AGPAT3: variants seen among roughly 807,000 people sequenced by gnomAD.
AGPAT3 encodes 1-acyl-sn-glycerol-3-phosphate acyltransferase gamma.
Under a neutral mutation model 47.3 loss-of-function variants are expected in AGPAT3, and 5 were observed. The observed-to-expected ratio is 0.11, with a 90% confidence interval of 0.06 to 0.22. The LOEUF (loss-of-function observed/expected upper bound fraction) is 0.22. AGPAT3 is among the 10% of genes least tolerant of loss of function. The probability of loss-of-function intolerance (pLI) is 1.00; values close to 1 mark genes in which losing one functional copy is unlikely to be tolerated. For missense variants in AGPAT3, 315 were observed against 493.0 expected (o/e 0.64, Z 3.42); for synonymous variants, 212 against 208.3 (o/e 1.02, Z -0.15).
chr21:43,914,806 C>T (rs1032954325), intron 2 of AGPAT3, among the ~76,000 whole-genome samples: 1 of 152,276 alleles, frequency 6.6e-6, no homozygotes, highest in East Asian at 1.9e-4. Flanking sequence ...CCTCCCAAAG[C>T]ACTGTTATCA....
chr21:43,974,235 AATT>A, intron 7 of AGPAT3, among the ~76,000 whole-genome samples: 1 of 152,150 alleles, frequency 6.6e-6, no homozygotes, highest in Admixed American at 6.5e-5. Context: ...TGTGTGTATA[AATT>A]ATATGTGTGT....
At chr21:43,923,372 A>C (rs201250960) in intron 2 of AGPAT3, among the ~76,000 whole-genome samples, 3 of 152,236 alleles carry the variant, frequency 2.0e-5, no homozygotes, top group East Asian at 3.8e-4. Flanking sequence ...TGAAAAGGAA[A>C]GAAAGATTTT....
Position 43,987,204 on chromosome 21 carries a change from G to A in AGPAT3, c.*4812G>A, listed in dbSNP as rs1322304758. 6.6e-6 allele frequency among the ~76,000 whole-genome samples: 1 copy of A among 152,198 alleles called. No individual in the cohort carries two copies. The highest frequency in any genetic ancestry group is 1.5e-5 in the Non-Finnish European group (1 of 68,040). ...TAGATGTCTCCAAGGGGAAACCAGG[G>A]CCACCAGGCACTCCTGTCCCATGGG... On this transcript the variant is annotated 3_prime_UTR_variant, in exon 10 of 10. Transcript: ENST00000291572.
chr21:43,964,472 A>C lies in AGPAT3; in HGVS notation c.179-3474A>C, dbSNP rs375791515. Among the ~76,000 whole-genome samples the C allele has an allele frequency of 5.9e-5, 9 of 152,214 alleles. No homozygotes were observed. In the East Asian group the frequency reaches 9.8e-4, roughly 16 times the overall value. ...CGGCCTCCCAAAGTGCTGGGATTAC[A>C]GGCGGGAGCGCCCAGCCCAGGTTCA... On this transcript the variant is annotated intron_variant, in intron 3 of 9. Transcript: ENST00000291572.
chr21:43,958,680 GGT>G (rs994078334), intron 2 of AGPAT3, among the ~76,000 whole-genome samples: 20 of 150,892 alleles, frequency 1.3e-4, no homozygotes, highest in African/African-American at 2.7e-4. Flanking sequence ...TATGGTTTGT[GGT>G]GTGTGGTGTG....
At chr21:43,969,865 T>C (rs1167387809) in intron 5 of AGPAT3, among the ~76,000 whole-genome samples, 1 of 151,920 alleles carries the variant, frequency 6.6e-6, no homozygotes, top group Non-Finnish European at 1.5e-5. Context: ...ACCTGGCTAA[T>C]TTTTTGTATT....
intron 7 of AGPAT3, among the ~76,000 whole-genome samples, chr21:43,972,615 CCA>C (rs1179670737): frequency 6.6e-6 from 1 of 152,172 alleles, no homozygotes; most frequent in Non-Finnish European, 1.5e-5. Context: ...GTCTCTTTCC[CCA>C]CACAGTCAGG....
At chr21:43,910,571 G>T (rs1174223098) in intron 2 of AGPAT3, among the ~76,000 whole-genome samples, 1 of 152,212 alleles carries the variant, frequency 6.6e-6, no homozygotes, top group East Asian at 1.9e-4. Flanking sequence ...GAGGGCCGAG[G>T]AGGGCCGGCC....
rs2146186736 is a variant in AGPAT3, at chr21:43,920,363, G to A, written c.-49+16344G>A. Among the ~76,000 whole-genome samples the A allele has an allele frequency of 6.6e-6, 1 of 152,302 alleles. No individual in the cohort carries two copies. The highest frequency in any genetic ancestry group is 2.1e-4 in the South Asian group (1 of 4,830). On this transcript the variant is annotated intron_variant, in intron 2 of 9. Coordinates refer to ENST00000291572, the MANE Select transcript of AGPAT3 (RefSeq NM_020132.5). The surrounding 1 kb of genome is among the most constrained non-coding windows in gnomAD (Gnocchi z 6.1). The stretch of plus-strand genomic sequence containing the variant: ...GAGAGGAGACAGCGCAGCTGGGCAG[G>A]TGATGCTTGGTGAGTGTGATAGTGT...
At chr21:43,917,199 G>A (rs1033207485) in intron 2 of AGPAT3, among the ~76,000 whole-genome samples, 2 of 125,988 alleles carry the variant, frequency 1.6e-5, no homozygotes, top group Non-Finnish European at 3.2e-5. Flanking sequence ...ACGTACCGCT[G>A]TCAGCCTTCT....
intron 1 of AGPAT3, among the ~76,000 whole-genome samples, chr21:43,877,335 A>T (rs1422014838): frequency 6.6e-6 from 1 of 152,268 alleles, no homozygotes; most frequent in South Asian, 2.1e-4. Context: ...TAGCTGAAGA[A>T]CTGCTGTACA....
At chr21:43,923,923 C>T (rs1401370711) in intron 2 of AGPAT3, among the ~76,000 whole-genome samples, 1 of 152,112 alleles carries the variant, frequency 6.6e-6, no homozygotes, top group Non-Finnish European at 1.5e-5. Context: ...GGAGTGCTGT[C>T]GAGGGCCCCG....
At chr21:43,979,433 T>C (rs998509811) in intron 8 of AGPAT3, among the ~76,000 whole-genome samples, 2 of 151,976 alleles carry the variant, frequency 1.3e-5, no homozygotes, top group African/African-American at 2.4e-5. Flanking sequence ...ACCTGGTGCT[T>C]TCTGCCTGCC....
chr21:43,972,584 CG>C (rs2089442078), intron 7 of AGPAT3, among the ~76,000 whole-genome samples: 1 of 152,146 alleles, frequency 6.6e-6, no homozygotes, highest in African/African-American at 2.4e-5. Flanking sequence ...AGGGTACCAG[CG>C]GCTTTCCTTG....
intron 7 of AGPAT3, among the ~76,000 whole-genome samples, chr21:43,975,911 A>G (rs1209154263): frequency 6.6e-6 from 1 of 151,394 alleles, no homozygotes; most frequent in Non-Finnish European, 1.5e-5. Context: ...AAGAGGCAGC[A>G]TTGAGCACCC....
intron 2 of AGPAT3, 93 bp downstream of exon 2, chr21:43,904,112 A>C (rs1332485275): frequency 1.3e-5 from 2 of 151,500 alleles, no homozygotes; most frequent in African/African-American, 4.9e-5. Context: ...GTATGTGTCC[A>C]GTGTTGGGGT....
At chr21:43,919,077 T>C (rs1284619137) in intron 2 of AGPAT3, among the ~76,000 whole-genome samples, 1 of 152,248 alleles carries the variant, frequency 6.6e-6, no homozygotes, top group East Asian at 1.9e-4. Flanking sequence ...GTCACACATC[T>C]GTCCATCATT....
chr21:43,965,762 C>T (rs1281785640), intron 3 of AGPAT3: 1 of 149,226 alleles, frequency 6.7e-6, no homozygotes, highest in African/African-American at 2.5e-5. Context: ...AGGTGCCTGC[C>T]ACCACATCCA....
In AGPAT3 at chr21:43,867,299, C is replaced by T. The variant is rs916851467; in HGVS notation, c.-112+1954C>T. 13 of 152,360 alleles carry T rather than the reference C, an allele frequency of 8.5e-5. No individual in the cohort carries two copies. The East Asian group carries it at 2.1e-3, about 25-fold the overall frequency. The allele number at this position is 152,360 out of a possible 1,614,324, so 9.4% of individuals were successfully genotyped here. ...CCTGGAACTCCCACCTCCACAGACC[C>T]GTCCGGGTGCTGAAAGTCCACGGAT... On this transcript the variant is annotated intron_variant, in intron 1 of 9. Transcript: ENST00000291572.
Sources: gnomAD v4.1 joint callset for allele counts (sites outside exome capture counted in the v4.1 genomes callset) on GRCh38, gnomAD v4.1.1 for gene constraint, Gnocchi (gnomAD v3.1) non-coding constraint, MANE v1.5 for transcripts, NCBI Gene and HGNC (gene_info 2026-07-23, HGNC 2026-07-21) for gene names.